The following MYO1B variants were observed in gnomAD, a reference collection of about 807,000 sequenced individuals.
MYO1B encodes myosin IB.
A neutral mutation model predicts 159.7 loss-of-function variants in MYO1B; 72 were observed. The ratio of observed to expected loss-of-function variants is 0.45; its 90% CI spans 0.37 to 0.55. The LOEUF (loss-of-function observed/expected upper bound fraction) is 0.55, where lower values mean the gene tolerates loss of function less well. Among genes scored for constraint, MYO1B ranks in the 20% least tolerant of loss-of-function variants. MYO1B has a pLI of 0.00. For synonymous variants in MYO1B, 468 were observed against 473.8 expected (o/e 0.99, Z 0.16); for missense variants, 1,062 against 1,364.8 (o/e 0.78, Z 3.50).
chr2:191,347,156 CCTT>C (rs755858575), intron 6 of MYO1B, among the ~76,000 whole-genome samples: 9 of 152,202 alleles, frequency 5.9e-5, no homozygotes, highest in Admixed American at 1.3e-4. Context: ...CCTTTCTCCA[CCTT>C]CTTCTTTTAG....
At chr2:191,390,734 T>C (rs745676805) in intron 18 of MYO1B, among the ~76,000 whole-genome samples, 2 of 152,186 alleles carry the variant, frequency 1.3e-5, no homozygotes, top group Non-Finnish European at 2.9e-5. Flanking sequence ...GGTAGGTTCG[T>C]AGGAGGTGGT....
chr2:191,368,517 C>A (rs1034534094), intron 11 of MYO1B, among the ~76,000 whole-genome samples: 3 of 152,202 alleles, frequency 2.0e-5, no homozygotes, highest in Non-Finnish European at 2.9e-5. Context: ...ACCTGACTTT[C>A]TTCGGCCTTT....
intron 3 of MYO1B, among the ~76,000 whole-genome samples, chr2:191,316,900 C>T (rs189888935): frequency 2.0e-4 from 30 of 152,278 alleles, no homozygotes; most frequent in Middle Eastern, 3.4e-3. Context: ...GAAGATTTAA[C>T]GTGTGGAGTC....
chr2:191,349,363 T>C (rs1426844880), intron 6 of MYO1B, among the ~76,000 whole-genome samples: 1 of 152,172 alleles, frequency 6.6e-6, no homozygotes, highest in Non-Finnish European at 1.5e-5. Context: ...TCCCTTACCC[T>C]CATTTTGAAA....
intron 2 of MYO1B, among the ~76,000 whole-genome samples, chr2:191,293,747 T>C (rs1488015150): frequency 5.9e-5 from 9 of 152,188 alleles, no homozygotes; most frequent in Non-Finnish European, 2.9e-5. Flanking sequence ...TTATGACCTG[T>C]ATCTCATGCT....
chr2:191,418,778 C>T (rs11684309), intron 30 of MYO1B, among the ~76,000 whole-genome samples: 2,250 of 152,170 alleles, frequency 0.015, 22 homozygotes, highest in Non-Finnish European at 0.021. Context: ...CGTGAGCCAC[C>T]GCGCCCAGCC....
intron 5 of MYO1B, among the ~76,000 whole-genome samples, chr2:191,345,351 T>G (rs1692498507): frequency 6.6e-6 from 1 of 152,206 alleles, no homozygotes; most frequent in Admixed American, 6.5e-5. Flanking sequence ...TTATACAACT[T>G]ATGTTTAGGC....
chr2:191,341,459 A>G lies in MYO1B; in HGVS notation c.347-2A>G. 1 of 1,612,326 alleles carries G rather than the reference A, an allele frequency of 6.2e-7. No individual in the cohort carries two copies. The highest frequency in any genetic ancestry group is 8.5e-7 in the Non-Finnish European group (1 of 1,179,274). The stretch of plus-strand genomic sequence containing the variant: ...ATTAATATGGCTTATTTTCATCCAC[A>G]GAGGCCAGTAAGCTTGTCATGTCCT... On this transcript the variant is annotated splice_acceptor_variant, in intron 4 of 30. Coordinates refer to ENST00000392318, the MANE Select transcript of MYO1B (RefSeq NM_001130158.3). LOFTEE classifies it high-confidence loss of function.
At chr2:191,397,010 T>C (rs1052573113) in intron 21 of MYO1B, among the ~76,000 whole-genome samples, 43 of 152,206 alleles carry the variant, frequency 2.8e-4, no homozygotes, top group Admixed American at 1.2e-3. Context: ...CAAGGGTCAC[T>C]GAACTACAGG....
intron 6 of MYO1B, 50 bp from the exon 7 acceptor site, chr2:191,350,112 G>T: frequency 6.8e-7 from 1 of 1,475,018 alleles, no homozygotes. Context: ...AGTACACTGA[G>T]TTAACATTTT....
At position 191,370,305 on chromosome 2, in the gene MYO1B, AT is replaced by A. The variant is rs751917422; in HGVS notation, c.1185+21del. On this transcript the variant is annotated intron_variant, in intron 13 of 30. Coordinates refer to ENST00000392318, the MANE Select transcript of MYO1B (RefSeq NM_001130158.3). Reference sequence around the variant, plus strand: ...TGAGATTTTCGAGGTAAGATTTAAAATTTTTTTTGTATTGTCTTTAGTAGAG... The same window carrying A: ...TGAGATTTTCGAGGTAAGATTTAAAATTTTTTTGTATTGTCTTTAGTAGAG... The A allele has an allele frequency of 1.4e-5, 23 of 1,601,558 alleles. No homozygotes were observed. Among genetic ancestry groups the A allele is most frequent in the South Asian group, 2.2e-5 (2 of 90,618 alleles).
chr2:191,286,976 A>G (rs1688411254), intron 2 of MYO1B, among the ~76,000 whole-genome samples: 1 of 152,212 alleles, frequency 6.6e-6, no homozygotes, highest in Non-Finnish European at 1.5e-5. Context: ...AAAGTTTTTA[A>G]GACGCTGGTG....
chr2:191,397,345 CG>C (rs1039652898), intron 21 of MYO1B, among the ~76,000 whole-genome samples: 7 of 145,712 alleles, frequency 4.8e-5, no homozygotes, highest in African/African-American at 1.7e-4. Context: ...TGCGGCCTTC[CG>C]CAGTGTTTGT....
At chr2:191,287,344 A>G (rs1270235787) in intron 2 of MYO1B, among the ~76,000 whole-genome samples, 6 of 152,138 alleles carry the variant, frequency 3.9e-5, no homozygotes, top group African/African-American at 9.7e-5. Flanking sequence ...CCTGGCCAAC[A>G]TGGTGAATCC....
chr2:191,392,024 C>A, intron 18 of MYO1B, 84 bp from the exon 19 acceptor site: 2 of 893,578 alleles, frequency 2.2e-6, no homozygotes, highest in Non-Finnish European at 3.4e-6. Context: ...ATGTTTTATA[C>A]CACTGAGAAC....
intron 21 of MYO1B, among the ~76,000 whole-genome samples, chr2:191,398,859 G>A (rs1421439435): frequency 2.6e-5 from 4 of 152,050 alleles, no homozygotes; most frequent in African/African-American, 7.2e-5. Context: ...CTTCCCAGAC[G>A]GGGTGGCGGC....
In MYO1B at chr2:191,260,803, C is replaced by G. The variant is rs113669490; in HGVS notation, c.-10+15177C>G. On this transcript the variant is annotated intron_variant, in intron 1 of 30. Coordinates refer to ENST00000392318, the MANE Select transcript of MYO1B (RefSeq NM_001130158.3). The stretch of plus-strand genomic sequence containing the variant: ...ATAGAATGACATGTGACCTTGTACT[C>G]TTGACTCTATGTCTGGTTGTGGATT... 5.2e-3 allele frequency among the ~76,000 whole-genome samples: 795 copies of G among 152,254 alleles called. 5 individuals are homozygous for G. The highest frequency in any genetic ancestry group is 0.018 in the African/African-American group (753 of 41,546).
intron 1 of MYO1B, among the ~76,000 whole-genome samples, chr2:191,269,530 C>T (rs1035142692): frequency 1.2e-4 from 18 of 152,144 alleles, no homozygotes; most frequent in African/African-American, 3.9e-4. Context: ...TGGAATTTCT[C>T]GGTTACGTAG....
chr2:191,413,511 C>G (rs940000685), intron 27 of MYO1B, among the ~76,000 whole-genome samples: 2 of 152,136 alleles, frequency 1.3e-5, no homozygotes, highest in African/African-American at 4.8e-5. Context: ...ATTAAGTGTT[C>G]TATAGTTTTC....
Sources: allele counts gnomAD v4.1 joint callset (sites outside exome capture counted in the v4.1 genomes callset), GRCh38; gene constraint gnomAD v4.1.1; transcripts MANE v1.5; gene names NCBI Gene and HGNC (gene_info 2026-07-23, HGNC 2026-07-21).